The following CCDC178 variants were observed in gnomAD, a reference collection of about 807,000 sequenced individuals.
The protein encoded by CCDC178 is coiled-coil domain-containing protein 178.
CCDC178 carries 126 observed loss-of-function variants against 117.4 expected under a neutral mutation model. The observed-to-expected ratio is 1.07, with a 90% CI of 0.93 to 1.24. The LOEUF is 1.24. CCDC178 is among the 50% of genes most tolerant of loss of function. CCDC178 has a pLI of 0.00. For missense variants in CCDC178, 1,030 were observed against 986.9 expected (o/e 1.04, Z -0.59); for synonymous variants, 283 against 313.4 (o/e 0.90, Z 1.02).
At chr18:33,159,735 G>C (rs147316020) in intron 20 of CCDC178, among the ~76,000 whole-genome samples, 70 of 152,154 alleles carry the variant, frequency 4.6e-4, no homozygotes, top group Middle Eastern at 6.8e-3. Flanking sequence ...TGGTGATTAG[G>C]ATGCAGATAT....
chr18:33,152,350 A>G (rs2058350880), intron 20 of CCDC178, among the ~76,000 whole-genome samples: 1 of 151,990 alleles, frequency 6.6e-6, no homozygotes. Flanking sequence ...AAATGGTCAT[A>G]ATATTTTGCA....
intron 20 of CCDC178, among the ~76,000 whole-genome samples, chr18:33,176,548 AT>A (rs754564893): frequency 1.3e-5 from 2 of 152,126 alleles, no homozygotes; most frequent in Admixed American, 6.6e-5. Flanking sequence ...TTTCACAGCC[AT>A]TTTTCCCCCT....
chr18:33,299,290 T>C (rs923181010), intron 11 of CCDC178, among the ~76,000 whole-genome samples: 12 of 152,148 alleles, frequency 7.9e-5, no homozygotes, highest in African/African-American at 2.6e-4. Context: ...AACCCAGATA[T>C]TAATCTACAT....
At chr18:32,939,779 CG>C (rs753477583) in intron 22 of CCDC178, among the ~76,000 whole-genome samples, 2 of 152,054 alleles carry the variant, frequency 1.3e-5, no homozygotes, top group Non-Finnish European at 2.9e-5. Context: ...CCATGAGTTC[CG>C]GCTTCAGACA....
intron 14 of CCDC178, among the ~76,000 whole-genome samples, chr18:33,263,010 C>A (rs796463318): frequency 6.6e-6 from 1 of 152,146 alleles, no homozygotes; most frequent in Admixed American, 6.6e-5. Context: ...TGGAAACACA[C>A]AAGAATTATT....
intron 14 of CCDC178, among the ~76,000 whole-genome samples, chr18:33,249,960 G>T (rs924904558): frequency 2.6e-5 from 4 of 151,894 alleles, no homozygotes; most frequent in African/African-American, 9.7e-5. Context: ...GTGGTTTGTA[G>T]TTCTCCTTGA....
chr18:33,023,239 T>C (rs1255271602), intron 21 of CCDC178, among the ~76,000 whole-genome samples: 1 of 152,076 alleles, frequency 6.6e-6, no homozygotes, highest in Non-Finnish European at 1.5e-5. Flanking sequence ...AGGGTTTAAT[T>C]GACATTTATA....
chr18:32,998,912 T>C (rs1274030857), intron 21 of CCDC178, among the ~76,000 whole-genome samples: 2 of 151,802 alleles, frequency 1.3e-5, no homozygotes, highest in Non-Finnish European at 2.9e-5. Context: ...TTTCCAGCTG[T>C]GGTGGCTACG....
intron 20 of CCDC178, among the ~76,000 whole-genome samples, chr18:33,177,215 G>A (rs1302369012): frequency 6.6e-6 from 1 of 152,082 alleles, no homozygotes; most frequent in East Asian, 1.9e-4. Flanking sequence ...AGGGGGTTGA[G>A]GGAAAGGGGA....
intron 22 of CCDC178, among the ~76,000 whole-genome samples, chr18:32,943,594 T>A (rs2054285763): frequency 6.6e-6 from 1 of 152,224 alleles, no homozygotes; most frequent in Non-Finnish European, 1.5e-5. Flanking sequence ...TACTTGTGTT[T>A]TGATTCTCAG....
rs2054692638 is a variant in CCDC178, at chr18:32,960,950, CTT to C, written c.2523+13595_2523+13596del. Among the ~76,000 whole-genome samples, 3 of 151,850 alleles carry C rather than the reference CTT, an allele frequency of 2.0e-5. No homozygotes were observed. In the South Asian group the frequency reaches 6.2e-4, roughly 32 times the overall value. Reference sequence around the variant, plus strand: ...ATAATAATTCCATGTTGTTAGAAAACTTATTCTTTACTATTTCAATCATTTTA... The same window carrying C: ...ATAATAATTCCATGTTGTTAGAAAACATTCTTTACTATTTCAATCATTTTA... On this transcript the variant is annotated intron_variant, in intron 22 of 22. Transcript: ENST00000383096.
chr18:33,081,903 T>C (rs548907510), intron 21 of CCDC178, among the ~76,000 whole-genome samples: 49 of 152,322 alleles, frequency 3.2e-4, no homozygotes, highest in African/African-American at 1.1e-3. Context: ...ATTTTCAGGA[T>C]TATTTTGATA....
In CCDC178 at chr18:33,323,552, G is replaced by C. The variant is rs776584133; in HGVS notation, c.961C>G (p.Gln321Glu). Residue 321 changes from glutamine to glutamate, a missense_variant, in exon 11 of 23, where the codon CAA becomes GAA. Gln to Glu is a conservative substitution (Grantham distance 29). Transcript: ENST00000383096. ...TCCTTATCAATCTCTTCTTTAATTTGCTGAGCCTTCAATCTGGCATTTTCA... is the reference window on the plus strand; with the variant it reads ...TCCTTATCAATCTCTTCTTTAATTTCCTGAGCCTTCAATCTGGCATTTTCA... ...ACENARLKAQ[Q>E]IKEEIDKDIY... The C allele has an allele frequency of 2.1e-5, 33 of 1,571,698 alleles. No individual in the cohort carries two copies. In the African/African-American group the frequency reaches 4.2e-4, roughly 20 times the overall value.
intron 12 of CCDC178, among the ~76,000 whole-genome samples, chr18:33,276,443 A>T (rs2059950883): frequency 6.6e-6 from 1 of 152,080 alleles, no homozygotes; most frequent in African/African-American, 2.4e-5. Flanking sequence ...TGGATATATA[A>T]GATTTGTTAC....
chr18:33,109,429 T>C (rs951605495), intron 20 of CCDC178, among the ~76,000 whole-genome samples: 7 of 151,702 alleles, frequency 4.6e-5, no homozygotes, highest in African/African-American at 7.2e-5. Context: ...TTGGTATATG[T>C]CTTTTATAAA....
intron 11 of CCDC178, among the ~76,000 whole-genome samples, chr18:33,300,716 T>C (rs1483122084): frequency 1.3e-5 from 2 of 152,224 alleles, no homozygotes; most frequent in African/African-American, 4.8e-5. Flanking sequence ...TTAGAGTATA[T>C]GGCAGAAGAA....
At chr18:33,407,675 C>T (rs543501529) in intron 3 of CCDC178, among the ~76,000 whole-genome samples, 23 of 151,970 alleles carry the variant, frequency 1.5e-4, no homozygotes, top group Admixed American at 1.3e-3. Context: ...GTATTGTAAA[C>T]ATTTAATATT....
chr18:33,052,358 T>C (rs1425691134), intron 21 of CCDC178, among the ~76,000 whole-genome samples: 1 of 152,178 alleles, frequency 6.6e-6, no homozygotes, highest in African/African-American at 2.4e-5. Flanking sequence ...CTTTGTCAAC[T>C]TAGGTAAATT....
intron 20 of CCDC178, among the ~76,000 whole-genome samples, chr18:33,198,673 C>T (rs1481018529): frequency 1.3e-5 from 2 of 152,100 alleles, no homozygotes; most frequent in African/African-American, 2.4e-5. Context: ...TAAATATATA[C>T]TTATAATAAC....
Sources: allele counts gnomAD v4.1 joint callset (sites outside exome capture counted in the v4.1 genomes callset), GRCh38; gene constraint gnomAD v4.1.1; transcripts MANE v1.5; gene names NCBI Gene and HGNC (gene_info 2026-07-23, HGNC 2026-07-21).